NAALADL2: variants seen among roughly 807,000 people sequenced by gnomAD.
NAALADL2 encodes the protein inactive N-acetylated-alpha-linked acidic dipeptidase-like protein 2.
In NAALADL2, 76 loss-of-function variants were observed where a neutral mutation model predicts 87.2. The ratio of observed to expected loss-of-function variants is 0.87; its 90% CI spans 0.72 to 1.05. The LOEUF (loss-of-function observed/expected upper bound fraction) is 1.05, where lower values mean the gene tolerates loss of function less well. Ranked by LOEUF, NAALADL2 falls within the 50% of genes least tolerant of loss-of-function variation. The pLI is 0.00. For synonymous variants in NAALADL2, 354 were observed against 331.0 expected (o/e 1.07, Z -0.75); for missense variants, 1,089 against 945.8 (o/e 1.15, Z -1.99).
At chr3:175,541,905 G>A (rs1712408685) in intron 9 of NAALADL2, among the ~76,000 whole-genome samples, 1 of 152,166 alleles carries the variant, frequency 6.6e-6, no homozygotes, top group Admixed American at 6.6e-5. Flanking sequence ...ACTTTTAGAA[G>A]AGATGGGGTT....
intron 9 of NAALADL2, among the ~76,000 whole-genome samples, chr3:175,504,133 T>A (rs1249750858): frequency 6.6e-6 from 1 of 152,222 alleles, no homozygotes. Flanking sequence ...TTTAATCTTC[T>A]ACATATGGCT....
intron 1 of NAALADL2, among the ~76,000 whole-genome samples, chr3:174,895,010 C>T (rs1731330164): frequency 6.6e-6 from 1 of 151,866 alleles, no homozygotes; most frequent in African/African-American, 2.4e-5. Flanking sequence ...ATACCAAAAC[C>T]TATGGTATAC....
chr3:175,790,857 TA>T (rs1752695551), intron 13 of NAALADL2, among the ~76,000 whole-genome samples: 1 of 152,218 alleles, frequency 6.6e-6, no homozygotes, highest in Non-Finnish European at 1.5e-5. Context: ...TAATGCTAAT[TA>T]AATCATGTAA....
At chr3:174,669,039 G>T (rs980953979) in intron 2 of NAALADL2, among the ~76,000 whole-genome samples, 8 of 152,080 alleles carry the variant, frequency 5.3e-5, no homozygotes, top group Non-Finnish European at 1.2e-4. Context: ...CCCACCAACA[G>T]TGTAAAAGTG....
chr3:175,620,720 G>A (rs986475117), intron 10 of NAALADL2, among the ~76,000 whole-genome samples: 1 of 152,164 alleles, frequency 6.6e-6, no homozygotes, highest in South Asian at 2.1e-4. Context: ...ACCTGGAACG[G>A]GTACATGTTG....
intron 2 of NAALADL2, among the ~76,000 whole-genome samples, chr3:175,129,017 C>T (rs1440091388): frequency 1.3e-5 from 2 of 152,088 alleles, no homozygotes; most frequent in South Asian, 4.1e-4. Flanking sequence ...TGTCTCATTG[C>T]AACCCCTGCC....
chr3:175,792,741 G>C (rs904318160), intron 13 of NAALADL2, among the ~76,000 whole-genome samples: 1 of 152,306 alleles, frequency 6.6e-6, no homozygotes, highest in East Asian at 1.9e-4. Flanking sequence ...AAATCAAGAG[G>C]AAGTGCAGAT....
chr3:175,070,019 G>T (rs906309627), intron 1 of NAALADL2, among the ~76,000 whole-genome samples: 57 of 146,550 alleles, frequency 3.9e-4, no homozygotes, highest in Non-Finnish European at 7.4e-4. Flanking sequence ...TTGTGGGGTA[G>T]GGGGAGGGGG....
intron 3 of NAALADL2, among the ~76,000 whole-genome samples, chr3:174,776,321 G>A (rs975402882): frequency 1.3e-5 from 2 of 152,070 alleles, no homozygotes; most frequent in South Asian, 4.1e-4. Flanking sequence ...TCTGGGTAAT[G>A]ATATCAGAAA....
At chr3:175,367,024 AT>A (rs1461576833) in intron 5 of NAALADL2, among the ~76,000 whole-genome samples, 2 of 151,278 alleles carry the variant, frequency 1.3e-5, no homozygotes, top group Non-Finnish European at 2.9e-5. Context: ...TCCATCTTGA[AT>A]TAATTTTTGT....
At chr3:175,191,432 G>A (rs1481498120) in intron 2 of NAALADL2, among the ~76,000 whole-genome samples, 1 of 152,136 alleles carries the variant, frequency 6.6e-6, no homozygotes, top group African/African-American at 2.4e-5. Flanking sequence ...GGTAACATAG[G>A]ATATACTGGT....
intron 4 of NAALADL2, among the ~76,000 whole-genome samples, chr3:175,272,137 A>T (rs1398580605): frequency 6.6e-6 from 1 of 152,184 alleles, no homozygotes; most frequent in Non-Finnish European, 1.5e-5. Context: ...GACCTAAGAG[A>T]CTAAGGAGTT....
chr3:174,714,548 C>A (rs905621692), intron 2 of NAALADL2, among the ~76,000 whole-genome samples: 3 of 152,008 alleles, frequency 2.0e-5, no homozygotes, highest in Middle Eastern at 3.2e-3. Context: ...TAAGTATTTT[C>A]TTCTCTTTGA....
intron 9 of NAALADL2, among the ~76,000 whole-genome samples, chr3:175,558,890 T>A (rs544715490): frequency 2.6e-5 from 4 of 152,322 alleles, no homozygotes; most frequent in African/African-American, 7.2e-5. Flanking sequence ...TTGCTTAGAA[T>A]AGCTTTGGCT....
intron 2 of NAALADL2, among the ~76,000 whole-genome samples, chr3:175,210,973 T>C (rs539082948): frequency 3.9e-5 from 6 of 151,962 alleles, no homozygotes; most frequent in African/African-American, 1.4e-4. Context: ...TAAGACCTAA[T>C]GTTTTCCATG....
At chr3:174,776,226 A>G (rs751123672) in intron 3 of NAALADL2, among the ~76,000 whole-genome samples, 10 of 152,090 alleles carry the variant, frequency 6.6e-5, no homozygotes, top group Non-Finnish European at 5.9e-5. Flanking sequence ...CCTAACATCA[A>G]CAATACTCTA....
chr3:174,941,738 T>C (rs1376118172), intron 1 of NAALADL2, among the ~76,000 whole-genome samples: 1 of 149,978 alleles, frequency 6.7e-6, no homozygotes, highest in African/African-American at 2.5e-5. Flanking sequence ...TTGGACTCTT[T>C]ACTATTATAT....
intron 6 of NAALADL2, among the ~76,000 whole-genome samples, chr3:175,458,927 T>C (rs2149256514): frequency 6.6e-6 from 1 of 152,276 alleles, no homozygotes; most frequent in East Asian, 1.9e-4. Context: ...TTTGCTTCAA[T>C]GGCTTATCTC....
chr3:174,792,578 G>T (rs974606234), intron 3 of NAALADL2, among the ~76,000 whole-genome samples: 6 of 152,068 alleles, frequency 3.9e-5, no homozygotes, highest in African/African-American at 1.4e-4. Context: ...CTAGATTGAT[G>T]ATAAGTGACC....
Sources: allele counts gnomAD v4.1 joint callset (sites outside exome capture counted in the v4.1 genomes callset), GRCh38; gene constraint gnomAD v4.1.1; transcripts MANE v1.5; gene names NCBI Gene and HGNC (gene_info 2026-07-23, HGNC 2026-07-21).